Variants in PTPRG observed in about 807,000 individuals in gnomAD.
The protein encoded by PTPRG is receptor-type tyrosine-protein phosphatase gamma.
A neutral mutation model predicts 165.3 loss-of-function variants in PTPRG; 102 were observed. The observed-to-expected ratio is 0.62, with a 90% CI of 0.53 to 0.73. PTPRG has a LOEUF of 0.73. Ranked by LOEUF, PTPRG falls within the 30% of genes least tolerant of loss-of-function variation. The probability of loss-of-function intolerance (pLI) is 0.00; values close to 1 mark genes in which losing one functional copy is unlikely to be tolerated. For synonymous variants in PTPRG, 675 were observed against 669.5 expected, an observed-to-expected ratio of 1.01 and a Z score of -0.13; for missense variants, 1,866 against 1,861.4, an observed-to-expected ratio of 1.00 and a Z score of -0.05.
chr3:61,787,465 T>A (rs772169414), intron 2 of PTPRG, among the ~76,000 whole-genome samples: 6 of 152,232 alleles, frequency 3.9e-5, no homozygotes, highest in African/African-American at 1.4e-4. Context: ...GGTTATCTCA[T>A]TGGCATCTGA....
Position 62,228,513 on chromosome 3 carries a change from C to G in PTPRG, c.2289-2712C>G, listed in dbSNP as rs1185842219. Among the ~76,000 whole-genome samples the G allele has an allele frequency of 1.8e-5, 2 of 111,718 alleles. No homozygotes were observed. The highest frequency in any genetic ancestry group is 3.8e-5 in the Non-Finnish European group (2 of 52,968). The allele number at this position is 111,718 out of a possible 152,430, so 73.3% of individuals were successfully genotyped here. A position where few individuals can be genotyped will look rare whatever the true frequency, so the allele number is the denominator to read the frequency against. On this transcript the variant is annotated intron_variant, in intron 13 of 29. Transcript: ENST00000474889. This position sits in a 1 kb window ranked among gnomAD's most constrained non-coding sequence, Gnocchi z 4.1. ...TGGGCAACAGAGCAAAACTCCATCT[C>G]AAAAAAAAAAAAGAAAGAAAGAAAA...
chr3:61,692,883 C>T (rs2030314250), intron 1 of PTPRG, among the ~76,000 whole-genome samples: 1 of 152,124 alleles, frequency 6.6e-6, no homozygotes, highest in South Asian at 2.1e-4. Context: ...CAGAAATGAG[C>T]AGAATTGAAA....
intron 5 of PTPRG, among the ~76,000 whole-genome samples, chr3:62,086,263 C>T (rs532883170): frequency 8.1e-5 from 12 of 147,908 alleles, no homozygotes; most frequent in East Asian, 4.0e-4. Context: ...AATTTTCTAT[C>T]GTGTTATGGT....
intron 12 of PTPRG, among the ~76,000 whole-genome samples, chr3:62,215,072 G>A (rs1177828876): frequency 6.6e-6 from 1 of 152,202 alleles, no homozygotes; most frequent in Admixed American, 6.5e-5. Context: ...TTAGGTGAGT[G>A]TGGCTGGAAC....
intron 2 of PTPRG, among the ~76,000 whole-genome samples, chr3:61,962,816 C>T (rs924943272): frequency 1.3e-5 from 2 of 152,056 alleles, no homozygotes; most frequent in African/African-American, 2.4e-5. Context: ...TTTTACGGTA[C>T]TCATATTCCG....
chr3:62,180,379 C>T (rs991313276), intron 8 of PTPRG, among the ~76,000 whole-genome samples: 5 of 152,102 alleles, frequency 3.3e-5, no homozygotes, highest in Admixed American at 1.3e-4. Flanking sequence ...AGAAAAACAT[C>T]GTTATGAAAG....
At chr3:61,950,792 A>G (rs767651324) in intron 2 of PTPRG, among the ~76,000 whole-genome samples, 1 of 152,182 alleles carries the variant, frequency 6.6e-6, no homozygotes. Context: ...TTTGATCTTT[A>G]TGTTTAAATT....
chr3:62,275,098 C>T (rs1461321797), intron 23 of PTPRG, among the ~76,000 whole-genome samples: 1 of 152,050 alleles, frequency 6.6e-6, no homozygotes, highest in African/African-American at 2.4e-5. Flanking sequence ...CTCATATACT[C>T]CATTAGGATG....
chr3:61,807,703 T>C lies in PTPRG; in HGVS notation c.190+58721T>C, dbSNP rs568413936. Reference sequence around the variant, plus strand: ...GATAACAGAATCATAAATGTGTTCATGTAAGGGTATGTGTGTGTACGTAAA... The same window carrying C: ...GATAACAGAATCATAAATGTGTTCACGTAAGGGTATGTGTGTGTACGTAAA... On this transcript the variant is annotated intron_variant, in intron 2 of 29. Coordinates refer to ENST00000474889, the MANE Select transcript of PTPRG (RefSeq NM_002841.4). Among the ~76,000 whole-genome samples, 70 of 152,336 alleles carry C rather than the reference T, an allele frequency of 4.6e-4. 1 individual carries two copies. The South Asian group carries it at 0.014, about 31-fold the overall frequency.
At chr3:61,997,516 A>G (rs531904094) in intron 3 of PTPRG, among the ~76,000 whole-genome samples, 2 of 152,030 alleles carry the variant, frequency 1.3e-5, no homozygotes, top group African/African-American at 4.8e-5. Flanking sequence ...ATGTTCTCCC[A>G]TCTTGTTGGC....
intron 1 of PTPRG, among the ~76,000 whole-genome samples, chr3:61,657,855 C>G (rs576254211): frequency 5.9e-5 from 9 of 152,136 alleles, no homozygotes; most frequent in Non-Finnish European, 1.2e-4. Context: ...TTAAGTTGAT[C>G]GATAGCAGGC....
chr3:61,736,975 G>A (rs951091135), intron 1 of PTPRG, among the ~76,000 whole-genome samples: 1 of 152,146 alleles, frequency 6.6e-6, no homozygotes, highest in South Asian at 2.1e-4. Context: ...TTCCTTTAAG[G>A]TCCTGAAGGA....
intron 2 of PTPRG, among the ~76,000 whole-genome samples, chr3:61,814,113 C>T (rs1013237827): frequency 2.6e-5 from 4 of 152,124 alleles, no homozygotes; most frequent in Admixed American, 6.5e-5. Flanking sequence ...GTTAGCCAGG[C>T]TGGTCTCGAA....
At chr3:62,168,207 C>A (rs1303035658) in intron 8 of PTPRG, 44 bp downstream of exon 8, 1 of 1,515,150 alleles carries the variant, frequency 6.6e-7, no homozygotes, top group Non-Finnish European at 8.9e-7. Flanking sequence ...GATTCCTTAT[C>A]ATAAATTACT....
At chr3:61,928,098 A>T (rs1407803860) in intron 2 of PTPRG, among the ~76,000 whole-genome samples, 1 of 152,196 alleles carries the variant, frequency 6.6e-6, no homozygotes, top group African/African-American at 2.4e-5. Flanking sequence ...CTCTTCTGCT[A>T]TAAGGGGTAT....
At chr3:62,172,465 G>A (rs181540278) in intron 8 of PTPRG, among the ~76,000 whole-genome samples, 1 of 152,306 alleles carries the variant, frequency 6.6e-6, no homozygotes, top group Non-Finnish European at 1.5e-5. Flanking sequence ...GGTTGCATCA[G>A]TTTATAGTTC....
chr3:61,561,663 T>G lies in PTPRG; in HGVS notation c.-625T>G, dbSNP rs925962530. The G allele has an allele frequency of 1.3e-5, 2 of 153,060 alleles. No homozygotes were observed. The highest frequency in any genetic ancestry group is 4.8e-5 in the African/African-American group (2 of 41,452). 9.5% of individuals were successfully genotyped at this position (153,060 alleles called of 1,614,324 possible). A position where few individuals can be genotyped will look rare whatever the true frequency, so the allele number is the denominator to read the frequency against. On this transcript the variant is annotated 5_prime_UTR_variant, in exon 1 of 30. An upstream start codon of the reference 5' UTR is lost. Coordinates refer to ENST00000474889, the MANE Select transcript of PTPRG (RefSeq NM_002841.4). ...GCCGGAGCCACAACTTTCAGGAGCA[T>G]GGACTGAAGGCGCCCTCGCCCCAGC...
chr3:61,968,575 T>C (rs2040320977), intron 2 of PTPRG, among the ~76,000 whole-genome samples: 1 of 152,240 alleles, frequency 6.6e-6, no homozygotes, highest in Non-Finnish European at 1.5e-5. Context: ...TGGCATTATC[T>C]GAGAGTGCTT....
Position 61,562,276 on chromosome 3 carries a change from G to A in PTPRG, c.-12G>A, listed in dbSNP as rs1456817652. 6.2e-7 allele frequency: 1 copy of A among 1,612,580 alleles called. No individual in the cohort carries two copies. The highest frequency in any genetic ancestry group is 2.2e-5 in the East Asian group (1 of 44,818). On this transcript the variant is annotated 5_prime_UTR_variant, in exon 1 of 30. Transcript: ENST00000474889. ...CTCCCTGCTTTCCTCTTTTCGATGT[G>A]CGTTTTCGGACATGCGGAGGTTACT...
Sources: allele counts gnomAD v4.1 joint callset (sites outside exome capture counted in the v4.1 genomes callset), GRCh38; gene constraint gnomAD v4.1.1; non-coding constraint Gnocchi (gnomAD v3.1); transcripts MANE v1.5; gene names NCBI Gene and HGNC (gene_info 2026-07-23, HGNC 2026-07-21).